The following CDH7 variants were observed in gnomAD, a reference collection of about 807,000 sequenced individuals.
CDH7 encodes the protein cadherin 7.
CDH7 carries 25 observed loss-of-function variants against 71.8 expected under a neutral mutation model. That is an observed-to-expected ratio of 0.35 (90% CI 0.25 to 0.49). The LOEUF (loss-of-function observed/expected upper bound fraction) is 0.49, where lower values mean the gene tolerates loss of function less well. Among genes scored for constraint, CDH7 ranks in the 20% least tolerant of loss-of-function variants. The pLI is 0.99. For synonymous variants in CDH7, 381 were observed against 363.8 expected (o/e 1.05, Z -0.54); for missense variants, 862 against 974.6 (o/e 0.88, Z 1.54).
chr18:65,803,662 A>G (rs1201832161), intron 2 of CDH7: 1 of 152,132 alleles, frequency 6.6e-6, no homozygotes, highest in Non-Finnish European at 1.5e-5. Flanking sequence ...TTATTAAAAG[A>G]CATAATAGAA....
intron 2 of CDH7, among the ~76,000 whole-genome samples, chr18:65,770,915 A>G (rs1916522635): frequency 1.3e-5 from 2 of 152,188 alleles, no homozygotes; most frequent in South Asian, 4.1e-4. Flanking sequence ...ATCAGATTAG[A>G]TAACTTAAAC....
Position 65,782,106 on chromosome 18 carries a change from C to CTTT in CDH7, c.210+19054_210+19055insTTT, listed in dbSNP as rs1568182497. On this transcript the variant is annotated intron_variant, in intron 2 of 11. Coordinates refer to ENST00000397968, the MANE Select transcript of CDH7 (RefSeq NM_004361.5). Reference sequence around the variant, plus strand: ...TCCTTCCTTCCTTCCTTCCTTCCTTCCTTCTTTCTTTCTTTCTTTCTTTCT... The same window carrying CTTT: ...TCCTTCCTTCCTTCCTTCCTTCCTTCTTTCTTCTTTCTTTCTTTCTTTCTTTCT... 7.1e-3 allele frequency among the ~76,000 whole-genome samples: 419 copies of CTTT among 59,288 alleles called. 6 individuals are homozygous for CTTT. Among genetic ancestry groups the CTTT allele is most frequent in the Middle Eastern group, 0.01 (1 of 100 alleles). 38.9% of individuals were successfully genotyped at this position (59,288 alleles called of 152,430 possible).
intron 6 of CDH7, among the ~76,000 whole-genome samples, chr18:65,835,420 G>A (rs1171808232): frequency 1.3e-5 from 2 of 152,120 alleles, no homozygotes; most frequent in Admixed American, 1.3e-4. Context: ...AGGAAATACT[G>A]AATCTCAGTT....
chr18:65,827,821 CA>C (rs1364609124), intron 6 of CDH7, among the ~76,000 whole-genome samples: 1 of 151,834 alleles, frequency 6.6e-6, no homozygotes, highest in African/African-American at 2.4e-5. Flanking sequence ...ATTAATTCAT[CA>C]TGATAGGATG....
chr18:65,794,710 G>A (rs995195673), intron 2 of CDH7, among the ~76,000 whole-genome samples: 3 of 152,076 alleles, frequency 2.0e-5, no homozygotes, highest in Non-Finnish European at 4.4e-5. Context: ...CATCTCTTCC[G>A]AGAGGAGATG....
chr18:65,839,219 G>A (rs1406095479), intron 6 of CDH7, among the ~76,000 whole-genome samples: 1 of 152,052 alleles, frequency 6.6e-6, no homozygotes, highest in African/African-American at 2.4e-5. Context: ...GTCCGTTTGG[G>A]CTACTATAAC....
At chr18:65,864,328 C>T (rs776907668) in intron 11 of CDH7, among the ~76,000 whole-genome samples, 7 of 151,766 alleles carry the variant, frequency 4.6e-5, no homozygotes, top group Non-Finnish European at 1.0e-4. Context: ...GAATGTGGCC[C>T]GACACAAATT....
At chr18:65,844,726 A>C (rs899554465) in intron 7 of CDH7, among the ~76,000 whole-genome samples, 2 of 151,990 alleles carry the variant, frequency 1.3e-5, no homozygotes, top group African/African-American at 4.8e-5. Flanking sequence ...TGAGATCTAC[A>C]TGTTTTTGTG....
chr18:65,822,636 G>A (rs1472131659), intron 5 of CDH7, among the ~76,000 whole-genome samples: 6 of 151,650 alleles, frequency 4.0e-5, no homozygotes, highest in African/African-American at 1.5e-4. Context: ...TTCATTCTAT[G>A]CACTAAAATA....
intron 7 of CDH7, among the ~76,000 whole-genome samples, chr18:65,849,602 A>T (rs2144007622): frequency 6.6e-6 from 1 of 151,448 alleles, no homozygotes; most frequent in South Asian, 2.1e-4. Context: ...TAGTAGAGAC[A>T]GGGTCTCACC....
rs1356505604 is a variant in CDH7 at position 65,887,975 on chromosome 18, A to G, written c.*7081A>G. ...TTTTGCTTATGTAAGAGTCACTTCT[A>G]TAGTAAAAGAGCCTTAAAAATGTTA... On this transcript the variant is annotated 3_prime_UTR_variant, in exon 12 of 12. Transcript: ENST00000397968. The G allele has an allele frequency of 6.6e-6, 1 of 152,188 alleles. No homozygotes were observed. The highest frequency in any genetic ancestry group is 1.5e-5 in the Non-Finnish European group (1 of 68,028). 9.4% of individuals were successfully genotyped at this position (152,188 alleles called of 1,614,324 possible). A position where few individuals can be genotyped will look rare whatever the true frequency, so the allele number is the denominator to read the frequency against.
intron 1 of CDH7, among the ~76,000 whole-genome samples, chr18:65,759,532 A>G (rs912833614): frequency 6.6e-6 from 1 of 151,948 alleles, no homozygotes; most frequent in African/African-American, 2.4e-5. Flanking sequence ...GATTACAGGC[A>G]TGAGCCACCA....
intron 6 of CDH7, among the ~76,000 whole-genome samples, chr18:65,834,864 A>T (rs908956142): frequency 1.3e-5 from 2 of 152,154 alleles, no homozygotes; most frequent in African/African-American, 2.4e-5. Context: ...CTGGTCACCA[A>T]CTCTCATTCT....
At chr18:65,794,421 A>G (rs188336774) in intron 2 of CDH7, among the ~76,000 whole-genome samples, 54 of 152,222 alleles carry the variant, frequency 3.5e-4, no homozygotes, top group African/African-American at 1.1e-3. Flanking sequence ...TCTACTATAC[A>G]AAGTATAAAT....
intron 2 of CDH7, among the ~76,000 whole-genome samples, chr18:65,780,884 C>T (rs959897633): frequency 1.3e-5 from 2 of 151,384 alleles, no homozygotes; most frequent in Non-Finnish European, 2.9e-5. Flanking sequence ...CAGTTTTGCA[C>T]CCTTAACTGC....
intron 11 of CDH7, among the ~76,000 whole-genome samples, chr18:65,868,847 A>T (rs1913842872): frequency 6.6e-6 from 1 of 152,156 alleles, no homozygotes; most frequent in South Asian, 2.1e-4. Flanking sequence ...GAATTTTGTG[A>T]TACTTGTTTT....
chr18:65,860,938 C>A (rs2587404), intron 10 of CDH7, among the ~76,000 whole-genome samples: 116,325 of 152,040 alleles, frequency 0.77, 44,685 homozygotes, highest in East Asian at 0.93. Context: ...CATTCTCTAC[C>A]TGGGTAACTC....
intron 5 of CDH7, 147 bp downstream of exon 5, chr18:65,822,395 T>G: frequency 1.6e-6 from 1 of 618,612 alleles, no homozygotes. Context: ...ATTAGAGACA[T>G]AATTTTGATT....
intron 7 of CDH7, among the ~76,000 whole-genome samples, chr18:65,854,932 T>TATATATGTAC (rs67623413): frequency 6.7e-6 from 1 of 148,774 alleles, no homozygotes; most frequent in Non-Finnish European, 1.5e-5. Context: ...TATATATATA[T>TATATATGTAC]ACACACACAT....
Sources: allele counts gnomAD v4.1 joint callset (sites outside exome capture counted in the v4.1 genomes callset), GRCh38; gene constraint gnomAD v4.1.1; transcripts MANE v1.5; gene names NCBI Gene and HGNC (gene_info 2026-07-23, HGNC 2026-07-21).